The following TDRD3 variants were observed in gnomAD, a reference collection of about 807,000 sequenced individuals.
The protein encoded by TDRD3 is tudor domain containing 3, also known as tudor domain-containing protein 3.
A neutral mutation model predicts 86.7 loss-of-function variants in TDRD3; 45 were observed. The observed-to-expected ratio is 0.52, with a 90% CI of 0.41 to 0.67. The LOEUF (loss-of-function observed/expected upper bound fraction) is 0.67. TDRD3 is among the 30% of genes least tolerant of loss of function. The probability of loss-of-function intolerance (pLI) is 0.00; values close to 1 mark genes in which losing one functional copy is unlikely to be tolerated. For missense variants in TDRD3, 814 were observed against 889.0 expected, an observed-to-expected ratio of 0.92 and a Z score of 1.07; for synonymous variants, 298 against 301.7, an observed-to-expected ratio of 0.99 and a Z score of 0.13.
chr13:60,542,851 A>G (rs887092132), intron 12 of TDRD3, among the ~76,000 whole-genome samples: 3 of 152,006 alleles, frequency 2.0e-5, no homozygotes, highest in Non-Finnish European at 4.4e-5. Flanking sequence ...GGTGAGTGGT[A>G]TCTTTTGATG....
chr13:60,528,565 G>GA lies in TDRD3; in HGVS notation c.1343dup (p.Asn448LysfsTer2), dbSNP rs746242117. On this transcript the variant is annotated frameshift_variant, in exon 11 of 14. Transcript: ENST00000377881. LOFTEE classifies it high-confidence loss of function. ...GTTTTAGAAGGCAGTGGATTACCTA[G>GA]AAATAGAGGTTCTGAAAGACCAAGT... is the stretch of plus-strand genomic sequence containing the variant. 1 of 1,614,006 alleles carries GA rather than the reference G, an allele frequency of 6.2e-7. No individual in the cohort carries two copies. The highest frequency in any genetic ancestry group is 1.7e-5 in the Admixed American group (1 of 60,000).
chr13:60,487,521 A>G (rs1318522699), intron 7 of TDRD3, among the ~76,000 whole-genome samples: 2 of 152,182 alleles, frequency 1.3e-5, no homozygotes, highest in African/African-American at 2.4e-5. Context: ...GGATGTGCAT[A>G]GGTTGTATGC....
intron 6 of TDRD3, among the ~76,000 whole-genome samples, chr13:60,485,499 AT>A (rs1267521204): frequency 2.6e-5 from 4 of 152,068 alleles, no homozygotes; most frequent in Non-Finnish European, 4.4e-5. Context: ...GAAATCTAAA[AT>A]TATTTATTAC....
At chr13:60,541,775 G>T (rs1957820884) in intron 12 of TDRD3, among the ~76,000 whole-genome samples, 2 of 105,282 alleles carry the variant, frequency 1.9e-5, no homozygotes, top group African/African-American at 3.5e-5. Context: ...TGTTGCCCAG[G>T]ATGGTGCAAT....
chr13:60,511,828 AC>A (rs916023016), intron 10 of TDRD3, among the ~76,000 whole-genome samples: 1 of 152,040 alleles, frequency 6.6e-6, no homozygotes, highest in African/African-American at 2.4e-5. Context: ...CACATGGGCC[AC>A]CCCATAGGCA....
chr13:60,459,716 A>T (rs376485918), intron 3 of TDRD3, among the ~76,000 whole-genome samples: 2 of 152,106 alleles, frequency 1.3e-5, no homozygotes, highest in East Asian at 3.9e-4. Context: ...CATTTCCCGG[A>T]TTCAAGTGAT....
chr13:60,445,348 C>G (rs796562162), intron 3 of TDRD3, among the ~76,000 whole-genome samples: 6 of 152,300 alleles, frequency 3.9e-5, no homozygotes, highest in African/African-American at 1.4e-4. Flanking sequence ...GGTTACCTTC[C>G]TTTGTAAATA....
At chr13:60,549,847 AT>A (rs906214056) in intron 12 of TDRD3, among the ~76,000 whole-genome samples, 2 of 151,814 alleles carry the variant, frequency 1.3e-5, no homozygotes, top group Non-Finnish European at 2.9e-5. Context: ...TGCTCATCGT[AT>A]TTTTTTTCAT....
chr13:60,546,567 G>A (rs564539080), intron 12 of TDRD3, among the ~76,000 whole-genome samples: 37 of 152,180 alleles, frequency 2.4e-4, no homozygotes, highest in African/African-American at 6.5e-4. Context: ...AAGTGGTCAT[G>A]AAAAGACTGA....
At chr13:60,403,074 ATGAC>A (rs1286729599) in intron 1 of TDRD3, among the ~76,000 whole-genome samples, 1 of 151,942 alleles carries the variant, frequency 6.6e-6, no homozygotes, top group Non-Finnish European at 1.5e-5. Context: ...ACTGCGAAAA[ATGAC>A]TGGATGTTTT....
rs1418895293 is a variant in TDRD3, at chr13:60,397,315, C to T, written c.-50C>T. 2 of 1,098,618 alleles carry T rather than the reference C, an allele frequency of 1.8e-6. No individual in the cohort carries two copies. The highest frequency in any genetic ancestry group is 2.5e-6 in the Non-Finnish European group (2 of 799,022). 68.1% of individuals were successfully genotyped at this position (1,098,618 alleles called of 1,614,324 possible). On this transcript the variant is annotated 5_prime_UTR_variant, in exon 1 of 14. Coordinates refer to ENST00000377881, the MANE Select transcript of TDRD3 (RefSeq NM_001146070.2). ...GGGGGGGTCTCAAGTAGGAGGCCTC[C>T]CCATCACCCCCACCCCAGCCCCCCA...
chr13:60,530,033 C>A (rs1199679144), intron 11 of TDRD3, among the ~76,000 whole-genome samples: 1 of 152,172 alleles, frequency 6.6e-6, no homozygotes, highest in Non-Finnish European at 1.5e-5. Flanking sequence ...GCTCAAACAT[C>A]ACCTCCTAGA....
intron 12 of TDRD3, among the ~76,000 whole-genome samples, chr13:60,542,993 T>C (rs1957851637): frequency 6.6e-6 from 1 of 152,162 alleles, no homozygotes; most frequent in African/African-American, 2.4e-5. Flanking sequence ...TCTGTTTCCC[T>C]GTGAGAAATA....
At chr13:60,536,431 C>A (rs932791810) in intron 12 of TDRD3, 1 of 152,040 alleles carries the variant, frequency 6.6e-6, no homozygotes, top group African/African-American at 2.4e-5. Flanking sequence ...TTACATCTTT[C>A]TTTTCTTGGA....
chr13:60,480,839 A>T (rs1956294869), intron 5 of TDRD3, among the ~76,000 whole-genome samples: 1 of 152,094 alleles, frequency 6.6e-6, no homozygotes, highest in South Asian at 2.1e-4. Context: ...AGGGGGCCAC[A>T]TGCAGGAAAT....
At chr13:60,492,917 C>CTTTTTTTTTTTT (rs71199004) in intron 7 of TDRD3, among the ~76,000 whole-genome samples, 6 of 115,470 alleles carry the variant, frequency 5.2e-5, no homozygotes, top group Non-Finnish European at 8.8e-5. Flanking sequence ...TCTTTCTTTT[C>CTTTTTTTTTTTT]TTTTTTTTTT....
rs977671181 is a variant in TDRD3 at position 60,542,704 on chromosome 13, G to A, written c.2118+7471G>A. ...TGTTCATTCTCTTTTTAAATCCTAT[G>A]TATGTCTCTACTTAATACTATTTCT... On this transcript the variant is annotated intron_variant, in intron 12 of 13. Transcript: ENST00000377881. Among the ~76,000 whole-genome samples, 22 of 152,086 alleles carry A rather than the reference G, an allele frequency of 1.4e-4. 2 individuals carry two copies. The highest frequency in any genetic ancestry group is 1.4e-3 in the Admixed American group (22 of 15,268).
intron 10 of TDRD3, among the ~76,000 whole-genome samples, chr13:60,516,389 C>T (rs1957169755): frequency 6.6e-6 from 1 of 152,134 alleles, no homozygotes; most frequent in Non-Finnish European, 1.5e-5. Flanking sequence ...AAATTTTTCT[C>T]AGCATTGACT....
At chr13:60,441,519 C>T (rs1323476140) in intron 2 of TDRD3, among the ~76,000 whole-genome samples, 2 of 152,078 alleles carry the variant, frequency 1.3e-5, no homozygotes, top group East Asian at 1.9e-4. Context: ...TAGGGTGAAG[C>T]CTATACCAGA....
Sources: allele counts gnomAD v4.1 joint callset (sites outside exome capture counted in the v4.1 genomes callset), GRCh38; gene constraint gnomAD v4.1.1; transcripts MANE v1.5; gene names NCBI Gene and HGNC (gene_info 2026-07-23, HGNC 2026-07-21).